MICU2: variants seen among roughly 807,000 people sequenced by gnomAD.
MICU2 encodes the protein calcium uptake protein 2, mitochondrial.
A neutral mutation model predicts 60.4 loss-of-function variants in MICU2; 64 were observed. The ratio of observed to expected loss-of-function variants is 1.06; its 90% CI spans 0.87 to 1.31. MICU2 has a LOEUF of 1.31. Ranked by LOEUF, MICU2 falls within the 50% of genes most tolerant of loss-of-function variation. MICU2 has a pLI of 0.00. For synonymous variants in MICU2, 201 were observed against 175.0 expected (o/e 1.15, Z -1.17); for missense variants, 569 against 531.0 (o/e 1.07, Z -0.70).
intron 2 of MICU2, among the ~76,000 whole-genome samples, chr13:21,546,295 C>CTTT (rs33921647): frequency 0.069 from 8,993 of 131,220 alleles, 448 homozygotes; most frequent in Middle Eastern, 0.11. Context: ...GATAAAAAGA[C>CTTT]TTTTTTTTTT....
chr13:21,542,156 C>T (rs764689824), intron 2 of MICU2, among the ~76,000 whole-genome samples: 5 of 152,004 alleles, frequency 3.3e-5, no homozygotes, highest in Non-Finnish European at 5.9e-5. Context: ...GTTTCTAATC[C>T]AGAACACTCT....
At position 21,539,667 on chromosome 13, in the gene MICU2, A is replaced by C; in HGVS notation, c.380T>G (p.Leu127Arg). 6.2e-7 allele frequency: 1 copy of C among 1,614,090 alleles called. No individual in the cohort carries two copies. Among genetic ancestry groups the C allele is most frequent in the Non-Finnish European group, 8.5e-7 (1 of 1,179,976 alleles). ...QMERKTSVKK[L>R]TKKDIEDTLS... is the part of the protein sequence containing the mutation. Reference sequence around the variant, plus strand: ...CAACATGATGCTTACCTTTTTTGTCAGCTTCTTGACTGAAGTTTTACCTAC... The same window carrying C: ...CAACATGATGCTTACCTTTTTTGTCCGCTTCTTGACTGAAGTTTTACCTAC... The change falls in exon 3 of 12, where the codon CTG (leucine) becomes CGG (arginine). Residue 127 changes from leucine to arginine, a missense_variant. Leu to Arg is a moderately radical substitution (Grantham distance 102). Transcript: ENST00000382374.
At chr13:21,509,476 C>A (rs1886372770) in intron 8 of MICU2, among the ~76,000 whole-genome samples, 1 of 152,142 alleles carries the variant, frequency 6.6e-6, no homozygotes, top group Non-Finnish European at 1.5e-5. Flanking sequence ...TGTTTGCCAA[C>A]CCTTGTGCTA....
At chr13:21,561,157 A>G (rs1386569930) in intron 2 of MICU2, among the ~76,000 whole-genome samples, 1 of 152,208 alleles carries the variant, frequency 6.6e-6, no homozygotes, top group East Asian at 1.9e-4. Flanking sequence ...GTCTAAGACC[A>G]TACTTTGTAT....
At chr13:21,576,563 T>C (rs1888231733) in intron 1 of MICU2, among the ~76,000 whole-genome samples, 1 of 152,182 alleles carries the variant, frequency 6.6e-6, no homozygotes, top group Non-Finnish European at 1.5e-5. Context: ...CTGCAGTCTG[T>C]AGCTGTATTT....
At chr13:21,528,836 C>T (rs1181775213) in intron 4 of MICU2, among the ~76,000 whole-genome samples, 1 of 152,146 alleles carries the variant, frequency 6.6e-6, no homozygotes, top group Non-Finnish European at 1.5e-5. Context: ...AAGTTAAAAA[C>T]AATTCCCAGA....
chr13:21,497,713 C>T (rs1271528813), intron 9 of MICU2, among the ~76,000 whole-genome samples: 1 of 152,122 alleles, frequency 6.6e-6, no homozygotes, highest in Non-Finnish European at 1.5e-5. Flanking sequence ...GTCTCAAAAA[C>T]AAACAAACAA....
intron 2 of MICU2, among the ~76,000 whole-genome samples, chr13:21,551,671 A>G (rs546676967): frequency 7.0e-6 from 1 of 143,346 alleles, no homozygotes; most frequent in East Asian, 2.1e-4. Flanking sequence ...CCCACCTATG[A>G]GTGAGAACAT....
chr13:21,515,552 T>C (rs1189457982), intron 6 of MICU2: 6 of 441,282 alleles, frequency 1.4e-5, no homozygotes, highest in Non-Finnish European at 2.7e-5. Flanking sequence ...CAGAATCAAT[T>C]GTATCAATCC....
chr13:21,597,103 A>G (rs540981282), intron 1 of MICU2, among the ~76,000 whole-genome samples: 4 of 152,222 alleles, frequency 2.6e-5, no homozygotes, highest in Admixed American at 6.5e-5. Context: ...AATGTTAATA[A>G]TATATATTAA....
At chr13:21,580,952 A>C (rs1888334743) in intron 1 of MICU2, among the ~76,000 whole-genome samples, 2 of 152,152 alleles carry the variant, frequency 1.3e-5, no homozygotes, top group African/African-American at 4.8e-5. Context: ...CTGGGTTAGA[A>C]TAGAGAATGT....
intron 1 of MICU2, among the ~76,000 whole-genome samples, chr13:21,597,423 T>G (rs964858930): frequency 1.3e-5 from 2 of 152,208 alleles, no homozygotes; most frequent in African/African-American, 4.8e-5. Flanking sequence ...TTTCTAGATA[T>G]TGGTTGTCTA....
At chr13:21,542,295 C>T (rs1887302194) in intron 2 of MICU2, among the ~76,000 whole-genome samples, 1 of 152,214 alleles carries the variant, frequency 6.6e-6, no homozygotes, top group South Asian at 2.1e-4. Context: ...CCTTTTTTCT[C>T]CCTACAGCAG....
At chr13:21,517,789 A>ACG (rs1423850145) in intron 6 of MICU2, among the ~76,000 whole-genome samples, 41 of 96,168 alleles carry the variant, frequency 4.3e-4, no homozygotes, top group African/African-American at 1.5e-3. Context: ...ACACACACAC[A>ACG]CACACACACA....
At chr13:21,603,304 A>T (rs1888869531) in intron 1 of MICU2, among the ~76,000 whole-genome samples, 2 of 152,124 alleles carry the variant, frequency 1.3e-5, no homozygotes, top group Admixed American at 1.3e-4. Context: ...AGGTTTTAGG[A>T]GCAATTTTTG....
intron 4 of MICU2, chr13:21,531,271 C>T (rs1423903386): frequency 2.3e-5 from 35 of 1,523,550 alleles, no homozygotes; most frequent in Non-Finnish European, 3.2e-5. Context: ...ATTGGAAGAT[C>T]CCTTCAAAGC....
At chr13:21,603,856 C>G in intron 1 of MICU2, 83 bp downstream of exon 1, 1 of 1,487,564 alleles carries the variant, frequency 6.7e-7, no homozygotes, top group Non-Finnish European at 9.1e-7. Flanking sequence ...GGAGAGCCGC[C>G]CAGAGCCAAA....
chr13:21,585,574 T>C (rs1315295235), intron 1 of MICU2, among the ~76,000 whole-genome samples: 4 of 152,168 alleles, frequency 2.6e-5, no homozygotes, highest in African/African-American at 7.2e-5. Context: ...AAATCTATGG[T>C]CAGACAGCTT....
At chr13:21,574,635 A>C (rs1888183462) in intron 1 of MICU2, among the ~76,000 whole-genome samples, 1 of 152,240 alleles carries the variant, frequency 6.6e-6, no homozygotes, top group African/African-American at 2.4e-5. Flanking sequence ...TCTCAGGAAG[A>C]AAGTGGGAAA....
Sources: allele counts gnomAD v4.1 joint callset (sites outside exome capture counted in the v4.1 genomes callset), GRCh38; gene constraint gnomAD v4.1.1; transcripts MANE v1.5; gene names NCBI Gene and HGNC (gene_info 2026-07-23, HGNC 2026-07-21).